Variants in TIPARP observed in about 807,000 individuals in gnomAD.
TIPARP encodes TCDD inducible poly(ADP-ribose) polymerase, also known as protein mono-ADP-ribosyltransferase TIPARP.
Under a neutral mutation model 56.5 loss-of-function variants are expected in TIPARP, and 12 were observed. The observed-to-expected ratio is 0.21, with a 90% CI of 0.14 to 0.34. The LOEUF is 0.34. Among genes scored for constraint, TIPARP ranks in the 10% least tolerant of loss-of-function variants. TIPARP has a pLI of 1.00. For missense variants in TIPARP, 604 were observed against 781.6 expected (o/e 0.77, Z 2.71); for synonymous variants, 296 against 265.7 (o/e 1.11, Z -1.11).
At chr3:156,692,596 A>G (rs920279612) in intron 2 of TIPARP, among the ~76,000 whole-genome samples, 6 of 152,146 alleles carry the variant, frequency 3.9e-5, no homozygotes, top group Admixed American at 6.6e-5. Flanking sequence ...TAGGAATTTT[A>G]AAGGAGTATA....
chr3:156,702,662 G>A (rs1722881319), intron 4 of TIPARP, among the ~76,000 whole-genome samples: 1 of 152,114 alleles, frequency 6.6e-6, no homozygotes, highest in African/African-American at 2.4e-5. Flanking sequence ...AATGGCCAAG[G>A]AATATGATTT....
intron 2 of TIPARP, among the ~76,000 whole-genome samples, chr3:156,691,127 A>G (rs890651215): frequency 3.9e-5 from 6 of 152,060 alleles, no homozygotes; most frequent in African/African-American, 1.4e-4. Flanking sequence ...AACTAGTACC[A>G]ATCCTGTCTC....
rs1722950499 is a variant in TIPARP at position 156,705,188 on chromosome 3, G to C, written c.*57G>C. On this transcript the variant is annotated 3_prime_UTR_variant, in exon 6 of 6. Coordinates refer to ENST00000295924, the MANE Select transcript of TIPARP (RefSeq NM_015508.5). ...GAACTCAATCCAGCATTTGTAGCAG[G>C]TTTTGAATGGGTGGGACTGGGTGGG... 1 of 433,230 alleles carries C rather than the reference G, an allele frequency of 2.3e-6. No homozygotes were observed. Among genetic ancestry groups the C allele is most frequent in the Non-Finnish European group, 4.5e-6 (1 of 224,286 alleles). The allele number at this position is 433,230 out of a possible 1,614,324, so 26.8% of individuals were successfully genotyped here. A position where few individuals can be genotyped will look rare whatever the true frequency, so the allele number is the denominator to read the frequency against.
intron 5 of TIPARP, among the ~76,000 whole-genome samples, chr3:156,703,906 G>A (rs994981163): frequency 1.3e-5 from 2 of 151,790 alleles, no homozygotes; most frequent in South Asian, 2.1e-4. Flanking sequence ...CCAGCTACTC[G>A]GGAGGCTGAG....
intron 2 of TIPARP, among the ~76,000 whole-genome samples, chr3:156,692,506 T>C (rs1005376131): frequency 2.0e-5 from 3 of 152,112 alleles, no homozygotes; most frequent in Admixed American, 1.3e-4. Flanking sequence ...TAATTAATAT[T>C]ATATGTTGTT....
chr3:156,677,257 T>C (rs1722153765), intron 1 of TIPARP, among the ~76,000 whole-genome samples: 1 of 152,216 alleles, frequency 6.6e-6, no homozygotes, highest in African/African-American at 2.4e-5. Flanking sequence ...TAAACAACTA[T>C]AAAGAGAACC....
chr3:156,677,595 G>A (rs774740650), intron 1 of TIPARP, 62 bp from the exon 2 acceptor site: 15 of 1,128,780 alleles, frequency 1.3e-5, no homozygotes, highest in Non-Finnish European at 1.9e-5. Context: ...ACATTTTAAT[G>A]AATGAATGAA....
At chr3:156,701,578 C>G (rs879379610) in intron 4 of TIPARP, among the ~76,000 whole-genome samples, 1 of 152,140 alleles carries the variant, frequency 6.6e-6, no homozygotes, top group African/African-American at 2.4e-5. Context: ...CGCCATTCCT[C>G]CAGATTAGTG....
chr3:156,679,759 C>G (rs1027107321), intron 2 of TIPARP, among the ~76,000 whole-genome samples: 1 of 152,150 alleles, frequency 6.6e-6, no homozygotes, highest in African/African-American at 2.4e-5. Context: ...CTTGAGTCAT[C>G]TTTGTTCACA....
chr3:156,692,678 C>T (rs558598832), intron 2 of TIPARP, among the ~76,000 whole-genome samples: 1 of 152,050 alleles, frequency 6.6e-6, no homozygotes, highest in African/African-American at 2.4e-5. Context: ...AGTGTAGAAC[C>T]TGATTCATAA....
intron 2 of TIPARP, among the ~76,000 whole-genome samples, chr3:156,680,621 TGA>T (rs1722272181): frequency 6.6e-6 from 1 of 152,168 alleles, no homozygotes; most frequent in Non-Finnish European, 1.5e-5. Context: ...GGCCAACACA[TGA>T]CAGTCTGTTA....
intron 2 of TIPARP, among the ~76,000 whole-genome samples, chr3:156,690,986 AC>A (rs1218372424): frequency 6.6e-6 from 1 of 152,038 alleles, no homozygotes; most frequent in African/African-American, 2.4e-5. Context: ...AGGCTCTGAC[AC>A]CCTGGACTTA....
intron 2 of TIPARP, among the ~76,000 whole-genome samples, chr3:156,689,293 T>A (rs1266648688): frequency 6.6e-6 from 1 of 152,144 alleles, no homozygotes; most frequent in Non-Finnish European, 1.5e-5. Context: ...CACTCTCTTC[T>A]GCCCCACGTG....
At chr3:156,691,200 A>G (rs957924360) in intron 2 of TIPARP, among the ~76,000 whole-genome samples, 2 of 152,146 alleles carry the variant, frequency 1.3e-5, no homozygotes, top group African/African-American at 4.8e-5. Flanking sequence ...ACAGCTCTTT[A>G]CTTACAGTGA....
rs758193176 is a variant in TIPARP, at chr3:156,678,014, A to G, written c.317A>G (p.Asn106Ser). Reference protein sequence around the residue: ...INSSCPPAENNMSVLIPDRTN... With the variant: ...INSSCPPAENSMSVLIPDRTN... ...TCATCATGCCCACCAGCAGAAAATA[A>G]TATGTCTGTTCTGATTCCTGATAGG... The change falls in exon 2 of 6, where the codon AAT becomes AGT. Residue 106 changes from asparagine (N) to serine (S), a missense_variant. Physicochemically the swap from Asn to Ser is conservative, Grantham distance 46. Transcript: ENST00000295924. 3 of 1,614,148 alleles carry G rather than the reference A, an allele frequency of 1.9e-6. No individual in the cohort carries two copies. Among genetic ancestry groups the G allele is most frequent in the African/African-American group, 1.3e-5 (1 of 75,048 alleles).
At chr3:156,677,176 G>A (rs1559969590) in intron 1 of TIPARP, among the ~76,000 whole-genome samples, 1 of 152,142 alleles carries the variant, frequency 6.6e-6, no homozygotes, top group Non-Finnish European at 1.5e-5. Flanking sequence ...ACTGTTTTAA[G>A]TTTGAAGTTT....
intron 3 of TIPARP, among the ~76,000 whole-genome samples, chr3:156,694,471 C>T (rs879401892): frequency 2.0e-5 from 3 of 152,144 alleles, no homozygotes; most frequent in Non-Finnish European, 2.9e-5. Context: ...AATATTTTGA[C>T]CTGTTGCCGC....
At chr3:156,691,056 A>T (rs1183155077) in intron 2 of TIPARP, among the ~76,000 whole-genome samples, 1 of 152,098 alleles carries the variant, frequency 6.6e-6, no homozygotes, top group Admixed American at 6.6e-5. Context: ...CCCTTATAGG[A>T]ATTTACAGGT....
chr3:156,687,395 A>G (rs1322875833), intron 2 of TIPARP, among the ~76,000 whole-genome samples: 1 of 152,214 alleles, frequency 6.6e-6, no homozygotes, highest in Admixed American at 6.5e-5. Context: ...ATTTTATTGG[A>G]AAGTGTTTTT....
Sources: gnomAD v4.1 joint callset for allele counts (sites outside exome capture counted in the v4.1 genomes callset) on GRCh38, gnomAD v4.1.1 for gene constraint, MANE v1.5 for transcripts, NCBI Gene and HGNC (gene_info 2026-07-23, HGNC 2026-07-21) for gene names.